APBB2: variants seen among roughly 807,000 people sequenced by gnomAD.
APBB2 encodes Fe65-like 1.
In APBB2, 38 loss-of-function variants were observed where a neutral mutation model predicts 82.5. That is an observed-to-expected ratio of 0.46 (90% CI 0.36 to 0.60). The LOEUF is 0.60. Ranked by LOEUF, APBB2 falls within the 20% of genes least tolerant of loss-of-function variation. The pLI is 0.00. For missense variants in APBB2, 772 were observed against 972.3 expected (o/e 0.79, Z 2.74); for synonymous variants, 341 against 368.2 (o/e 0.93, Z 0.85).
intron 3 of APBB2, among the ~76,000 whole-genome samples, chr4:41,074,711 G>T (rs570016084): frequency 2.0e-5 from 3 of 151,062 alleles, no homozygotes; most frequent in African/African-American, 7.3e-5. Context: ...CCGGGTTCAC[G>T]CCATTCTCCT....
At chr4:40,859,318 C>G (rs1487906158) in intron 12 of APBB2, among the ~76,000 whole-genome samples, 2 of 149,978 alleles carry the variant, frequency 1.3e-5, no homozygotes, top group Admixed American at 6.6e-5. Context: ...CAGTGTCTCA[C>G]TAGTGCAGTG....
intron 4 of APBB2, among the ~76,000 whole-genome samples, chr4:41,043,091 T>A (rs1247666378): frequency 1.3e-5 from 2 of 152,210 alleles, no homozygotes; most frequent in Non-Finnish European, 2.9e-5. Flanking sequence ...TAATACAGGC[T>A]GCATCTTTAG....
At chr4:40,909,393 A>C (rs1246527646) in intron 10 of APBB2, among the ~76,000 whole-genome samples, 2 of 152,228 alleles carry the variant, frequency 1.3e-5, no homozygotes, top group Non-Finnish European at 2.9e-5. Context: ...TCCCCAGGCC[A>C]CTGCAGGCTG....
chr4:40,934,306 G>A, intron 10 of APBB2, 150 bp downstream of exon 10: 1 of 742,844 alleles, frequency 1.3e-6, no homozygotes, highest in South Asian at 1.8e-5. Flanking sequence ...TTTTCTTCAA[G>A]TGTCAGGGAG....
intron 2 of APBB2, among the ~76,000 whole-genome samples, chr4:41,110,683 T>C (rs1443144225): frequency 2.6e-5 from 4 of 151,218 alleles, no homozygotes; most frequent in African/African-American, 9.7e-5. Flanking sequence ...TGACAGAAAA[T>C]GGAGAAGAGA....
At chr4:40,992,415 C>A (rs572059812) in intron 6 of APBB2, among the ~76,000 whole-genome samples, 2 of 151,258 alleles carry the variant, frequency 1.3e-5, no homozygotes, top group East Asian at 2.0e-4. Context: ...TAGCCTCAAA[C>A]TATCCTCCCA....
intron 1 of APBB2, among the ~76,000 whole-genome samples, chr4:41,155,821 T>C (rs942006874): frequency 6.6e-6 from 1 of 152,140 alleles, no homozygotes; most frequent in Non-Finnish European, 1.5e-5. Flanking sequence ...TAGTATAGGG[T>C]TTGGCAGATT....
At chr4:41,191,525 T>C (rs1467788425) in intron 1 of APBB2, among the ~76,000 whole-genome samples, 1 of 152,186 alleles carries the variant, frequency 6.6e-6, no homozygotes, top group Admixed American at 6.5e-5. Context: ...GGGGAAAGGA[T>C]AGTCTCCTCA....
chr4:40,916,663 G>A (rs1449229163), intron 10 of APBB2, among the ~76,000 whole-genome samples: 1 of 152,190 alleles, frequency 6.6e-6, no homozygotes, highest in Non-Finnish European at 1.5e-5. Context: ...GACAGACAGG[G>A]AGAAACTGAA....
chr4:41,017,385 G>C (rs981829136), intron 5 of APBB2, among the ~76,000 whole-genome samples: 2 of 152,128 alleles, frequency 1.3e-5, no homozygotes, highest in South Asian at 4.1e-4. Flanking sequence ...GGGCTCAAAA[G>C]GGTCATGAAG....
intron 1 of APBB2, among the ~76,000 whole-genome samples, chr4:41,192,529 A>C (rs578070995): frequency 3.3e-5 from 5 of 152,194 alleles, no homozygotes; most frequent in Non-Finnish European, 7.3e-5. Context: ...GTGGTATTAT[A>C]CCAGACACGG....
intron 6 of APBB2, among the ~76,000 whole-genome samples, chr4:40,977,940 G>C (rs549912302): frequency 2.6e-5 from 4 of 152,362 alleles, no homozygotes; most frequent in Admixed American, 2.6e-4. Context: ...GTGACATAGT[G>C]ATGTGGCAGG....
intron 12 of APBB2, among the ~76,000 whole-genome samples, chr4:40,857,929 A>G (rs748497570): frequency 4.3e-4 from 66 of 152,178 alleles, no homozygotes; most frequent in Admixed American, 2.0e-4. Context: ...AGATTTCAAG[A>G]GGCAGAAAAT....
At chr4:41,135,169 C>CACAA (rs1252568033) in intron 2 of APBB2, among the ~76,000 whole-genome samples, 2 of 99,582 alleles carry the variant, frequency 2.0e-5, no homozygotes, top group African/African-American at 3.8e-5. Context: ...CTTGAGCCCT[C>CACAA]AAAAAAAAAA....
intron 2 of APBB2, chr4:41,113,995 TG>T (rs1457969025): frequency 6.6e-6 from 1 of 152,364 alleles, no homozygotes; most frequent in East Asian, 1.9e-4. Flanking sequence ...GACATTAGCC[TG>T]GCCCCTGCGC....
intron 6 of APBB2, among the ~76,000 whole-genome samples, chr4:40,993,547 GC>G (rs1802773864): frequency 6.6e-6 from 1 of 151,398 alleles, no homozygotes; most frequent in South Asian, 2.1e-4. Flanking sequence ...ATCATACCCA[GC>G]TAATTTTTTG....
intron 6 of APBB2, among the ~76,000 whole-genome samples, chr4:40,982,168 A>T (rs1423299817): frequency 7.2e-6 from 1 of 138,694 alleles, no homozygotes; most frequent in Non-Finnish European, 1.6e-5. Flanking sequence ...CTGGGCAACA[A>T]GAGTGAAACT....
In APBB2 at chr4:40,826,097, G is replaced by A; in HGVS notation, c.1733-127C>T. On this transcript the variant is annotated intron_variant, in intron 14 of 17. Coordinates refer to ENST00000508593, the MANE Select transcript of APBB2 (RefSeq NM_004307.2). This position sits in a 1 kb window ranked among gnomAD's most constrained non-coding sequence, Gnocchi z 4.5. ...GCCATAACGCCCTATGTTTCTGGAT[G>A]TAAATGTAACAACTATTCTACAAGA... 3 of 723,796 alleles carry A rather than the reference G, an allele frequency of 4.1e-6. No individual in the cohort carries two copies. Among genetic ancestry groups the A allele is most frequent in the South Asian group, 3.1e-5 (2 of 64,448 alleles). 44.8% of individuals were successfully genotyped at this position (723,796 alleles called of 1,614,324 possible). A position where few individuals can be genotyped will look rare whatever the true frequency, so the allele number is the denominator to read the frequency against.
At chr4:40,960,798 G>C (rs930256070) in intron 6 of APBB2, among the ~76,000 whole-genome samples, 1 of 151,958 alleles carries the variant, frequency 6.6e-6, no homozygotes, top group African/African-American at 2.4e-5. Context: ...TCAACAGCCA[G>C]TCTTTCCTAC....
Sources: allele counts gnomAD v4.1 joint callset (sites outside exome capture counted in the v4.1 genomes callset), GRCh38; gene constraint gnomAD v4.1.1; non-coding constraint Gnocchi (gnomAD v3.1); transcripts MANE v1.5; gene names NCBI Gene and HGNC (gene_info 2026-07-23, HGNC 2026-07-21).